TBCEL: variants seen among roughly 807,000 people sequenced by gnomAD.
TBCEL encodes the protein tubulin-specific chaperone cofactor E-like protein.
Under a neutral mutation model 44.2 loss-of-function variants are expected in TBCEL, and 15 were observed. The observed-to-expected ratio is 0.34, with a 90% CI of 0.23 to 0.52. The LOEUF (loss-of-function observed/expected upper bound fraction) is 0.52, where lower values mean the gene tolerates loss of function less well. TBCEL is among the 20% of genes least tolerant of loss of function. TBCEL has a pLI of 0.95. For missense variants in TBCEL, 319 were observed against 506.3 expected, an observed-to-expected ratio of 0.63 and a Z score of 3.55; for synonymous variants, 171 against 185.4, an observed-to-expected ratio of 0.92 and a Z score of 0.63.
chr11:121,054,482 A>G (rs894769436), intron 5 of TBCEL, among the ~76,000 whole-genome samples: 8 of 151,942 alleles, frequency 5.3e-5, no homozygotes, highest in African/African-American at 1.7e-4. Context: ...TTGATAAGCT[A>G]CTTAACTTCT....
At chr11:121,054,215 C>T (rs181866222) in intron 5 of TBCEL, among the ~76,000 whole-genome samples, 2 of 151,944 alleles carry the variant, frequency 1.3e-5, no homozygotes, top group Admixed American at 1.3e-4. Context: ...TATTATGTTT[C>T]GTTTGTCCCT....
At chr11:121,033,489 G>T (rs1355179358) in intron 1 of TBCEL, among the ~76,000 whole-genome samples, 1 of 152,108 alleles carries the variant, frequency 6.6e-6, no homozygotes, top group Non-Finnish European at 1.5e-5. Context: ...ATTGAGACTT[G>T]CCTGTTTTAT....
chr11:121,055,657 A>T (rs1295487908), intron 6 of TBCEL, among the ~76,000 whole-genome samples: 1 of 151,908 alleles, frequency 6.6e-6, no homozygotes, highest in Non-Finnish European at 1.5e-5. Flanking sequence ...AGTTTAAGAA[A>T]TCCCAACCTG....
intron 4 of TBCEL, among the ~76,000 whole-genome samples, chr11:121,051,627 T>A (rs1279824100): frequency 1.3e-5 from 2 of 151,812 alleles, no homozygotes; most frequent in Admixed American, 1.3e-4. Flanking sequence ...CACAAATGTT[T>A]GGTACCATTT....
intron 8 of TBCEL, among the ~76,000 whole-genome samples, chr11:121,066,743 T>C (rs1209435985): frequency 6.6e-6 from 1 of 152,228 alleles, no homozygotes; most frequent in Non-Finnish European, 1.5e-5. Context: ...GTATTATACT[T>C]ATCTCTTTCT....
intron 1 of TBCEL, among the ~76,000 whole-genome samples, chr11:121,033,485 A>G (rs1945178355): frequency 6.6e-6 from 1 of 152,182 alleles, no homozygotes; most frequent in Admixed American, 6.5e-5. Flanking sequence ...ATTTATTGAG[A>G]CTTGCCTGTT....
At chr11:121,041,208 C>T (rs545735549) in intron 2 of TBCEL, among the ~76,000 whole-genome samples, 65 of 152,242 alleles carry the variant, frequency 4.3e-4, no homozygotes, top group African/African-American at 1.6e-3. Context: ...GAGCTTCTTA[C>T]TAATTTTGAC....
intron 2 of TBCEL, among the ~76,000 whole-genome samples, chr11:121,037,914 G>T (rs1945261274): frequency 6.6e-6 from 1 of 151,520 alleles, no homozygotes. Flanking sequence ...TGGTTTTGTT[G>T]TTGTTGTTTA....
chr11:121,073,479 T>A (rs533139449), intron 8 of TBCEL, among the ~76,000 whole-genome samples: 15 of 152,098 alleles, frequency 9.9e-5, no homozygotes, highest in Non-Finnish European at 1.8e-4. Flanking sequence ...GTCTTTTTTT[T>A]ATGCTGATCC....
intron 5 of TBCEL, among the ~76,000 whole-genome samples, 182 bp downstream of exon 5, chr11:121,053,914 A>T (rs944674648): frequency 6.6e-6 from 1 of 151,888 alleles, no homozygotes; most frequent in African/African-American, 2.4e-5. Flanking sequence ...CCAGTGGAAT[A>T]CATGTTCAGT....
At chr11:121,077,171 C>G (rs1031750698) in intron 8 of TBCEL, among the ~76,000 whole-genome samples, 1 of 151,826 alleles carries the variant, frequency 6.6e-6, no homozygotes, top group African/African-American at 2.4e-5. Context: ...TATAAGTGTT[C>G]TTTCCTTTTT....
Position 121,059,999 on chromosome 11 carries a change from C to T in TBCEL, c.870C>T (p.Ser290=), listed in dbSNP as rs748759546. The T allele has an allele frequency of 3.1e-5, 50 of 1,610,286 alleles. No individual in the cohort carries two copies. The highest frequency in any genetic ancestry group is 2.5e-4 in the Admixed American group (15 of 59,712). ...CATCAGTTTCCAAACTTAATGGCAG[C>T]GTTGTTACTGATGGTGAACGAGAAG... The part of the protein sequence containing the change: ...RLPSVSKLNG[S]VVTDGEREDS... The change falls in exon 8 of 9, where the codon AGC becomes AGT. Residue 290 remains serine (S), a synonymous_variant. Transcript: ENST00000683345.
chr11:121,045,594 C>T, intron 2 of TBCEL, 80 bp from the exon 3 acceptor site: 1 of 1,201,732 alleles, frequency 8.3e-7, no homozygotes, highest in South Asian at 1.6e-5. Flanking sequence ...GTACTTTATA[C>T]ATAATGGGTT....
At chr11:121,085,332 C>T (rs1265533068) in intron 8 of TBCEL, among the ~76,000 whole-genome samples, 2 of 152,184 alleles carry the variant, frequency 1.3e-5, no homozygotes, top group Non-Finnish European at 2.9e-5. Flanking sequence ...GCCACCGTGC[C>T]TGGCAATCTT....
intron 4 of TBCEL, 108 bp from the exon 5 acceptor site, chr11:121,053,443 T>C (rs1302545592): frequency 1.1e-6 from 1 of 952,146 alleles, no homozygotes; most frequent in Non-Finnish European, 1.6e-6. Context: ...CTCCTTGATG[T>C]AAATGGCCCT....
chr11:121,085,157 G>A (rs750662685), intron 8 of TBCEL, among the ~76,000 whole-genome samples: 3 of 151,824 alleles, frequency 2.0e-5, no homozygotes, highest in Non-Finnish European at 4.4e-5. Flanking sequence ...TTCTGCCTCC[G>A]CCTCCTGAGT....
chr11:121,068,761 C>T (rs1945868983), intron 8 of TBCEL, among the ~76,000 whole-genome samples: 1 of 151,940 alleles, frequency 6.6e-6, no homozygotes, highest in Non-Finnish European at 1.5e-5. Flanking sequence ...GTAGTGCATA[C>T]CTGTAATCCC....
At chr11:121,069,040 C>T (rs145119545) in intron 8 of TBCEL, among the ~76,000 whole-genome samples, 11 of 152,246 alleles carry the variant, frequency 7.2e-5, no homozygotes, top group Admixed American at 4.6e-4. Context: ...ACACCTTATC[C>T]GAGATTCCTT....
intron 4 of TBCEL, among the ~76,000 whole-genome samples, chr11:121,051,863 A>C (rs550685894): frequency 6.6e-6 from 1 of 151,946 alleles, no homozygotes; most frequent in East Asian, 1.9e-4. Context: ...TCTTGGAATT[A>C]ATCTACTTCT....
Sources: gnomAD v4.1 joint callset for allele counts (sites outside exome capture counted in the v4.1 genomes callset) on GRCh38, gnomAD v4.1.1 for gene constraint, MANE v1.5 for transcripts, NCBI Gene and HGNC (gene_info 2026-07-23, HGNC 2026-07-21) for gene names.